Variants in ADGRF5 observed in about 807,000 individuals in gnomAD.
ADGRF5 encodes adhesion G protein-coupled receptor F5.
A neutral mutation model predicts 132.3 loss-of-function variants in ADGRF5; 75 were observed. The ratio of observed to expected loss-of-function variants is 0.57; its 90% confidence interval spans 0.47 to 0.69. The LOEUF is 0.69. Among genes scored for constraint, ADGRF5 ranks in the 30% least tolerant of loss-of-function variants. The pLI, the probability that ADGRF5 is intolerant of heterozygous loss-of-function variation, is 0.00. For synonymous variants in ADGRF5, 629 were observed against 597.6 expected, an observed-to-expected ratio of 1.05 and a Z score of -0.77; for missense variants, 1,516 against 1,630.6, an observed-to-expected ratio of 0.93 and a Z score of 1.21.
chr6:46,952,608 G>T (rs147160771), intron 1 of ADGRF5, among the ~76,000 whole-genome samples: 341 of 152,332 alleles, frequency 2.2e-3, no homozygotes, highest in Non-Finnish European at 3.6e-3. Context: ...GTGGGAAAAT[G>T]CTATAGGGAT....
At chr6:46,924,912 TC>T (rs1777172103), upstream of ADGRF5, among the ~76,000 whole-genome samples, 1 of 152,244 alleles carries the variant, frequency 6.6e-6, no homozygotes, top group African/African-American at 2.4e-5. Flanking sequence ...TCTGCTGCTA[TC>T]ATTCTCATCC....
intron 9 of ADGRF5, among the ~76,000 whole-genome samples, chr6:46,878,813 G>A (rs1466750092): frequency 2.0e-5 from 3 of 152,194 alleles, no homozygotes; most frequent in African/African-American, 7.2e-5. Context: ...ACCTCATCAT[G>A]CAGAGAAAAG....
chr6:46,883,742 G>C (rs1444403551), intron 5 of ADGRF5, 77 bp from the exon 6 acceptor site: 1 of 792,266 alleles, frequency 1.3e-6, no homozygotes. Flanking sequence ...TTTGTAAGCT[G>C]TTTTTGTTTG....
At chr6:46,944,476 C>A (rs1055748529) in intron 1 of ADGRF5, among the ~76,000 whole-genome samples, 6 of 152,072 alleles carry the variant, frequency 3.9e-5, no homozygotes, top group African/African-American at 1.4e-4. Context: ...TGCAGCATTG[C>A]TCCCTGTCCT....
chr6:46,894,608 T>C (rs1274835446), intron 3 of ADGRF5, among the ~76,000 whole-genome samples: 1 of 152,200 alleles, frequency 6.6e-6, no homozygotes, highest in Non-Finnish European at 1.5e-5. Context: ...TTGAAAACTA[T>C]AACTCATAGC....
intron 15 of ADGRF5, among the ~76,000 whole-genome samples, chr6:46,862,119 T>C (rs541424451): frequency 6.6e-6 from 1 of 152,360 alleles, no homozygotes; most frequent in South Asian, 2.1e-4. Context: ...AGAGAAGAGA[T>C]AGAAGTTAAT....
chr6:46,899,292 A>T (rs1034249669), intron 3 of ADGRF5, among the ~76,000 whole-genome samples: 3 of 152,098 alleles, frequency 2.0e-5, no homozygotes, highest in African/African-American at 7.2e-5. Context: ...TCACAAGCAG[A>T]GGATTGGCTT....
chr6:46,855,833 T>C (rs1562131380), intron 20 of ADGRF5, 141 bp downstream of exon 20: 2 of 632,742 alleles, frequency 3.2e-6, no homozygotes, highest in South Asian at 1.7e-5. Context: ...AAAATGTAAG[T>C]TCCTCTATTT....
rs564731009 is a variant in ADGRF5 at position 46,921,719 on chromosome 6, A to T, written c.-31T>A. 1 of 152,416 alleles carries T rather than the reference A, an allele frequency of 6.6e-6. No individual in the cohort carries two copies. The highest frequency in any genetic ancestry group is 2.4e-5 in the African/African-American group (1 of 41,578). 9.4% of individuals were successfully genotyped at this position (152,416 alleles called of 1,614,324 possible). ...TAGGAGAAATGTCTGTTACCTGTCC[A>T]GCACTGTGGTCCCCCGGCTGGCTCC... On this transcript the variant is annotated 5_prime_UTR_variant, in exon 1 of 21. Coordinates refer to ENST00000283296, the MANE Select transcript of ADGRF5 (RefSeq NM_001098518.2).
chr6:46,859,527 A>C lies in ADGRF5; in HGVS notation c.2380-4T>G. ...CATTAACCGTAGAGAGCACGTGCTG[A>C]AAGTGAAATGGTATGGGGTCAAACT... On this transcript the variant is annotated splice_region_variant and splice_polypyrimidine_tract_variant and intron_variant, in intron 16 of 20. Transcript: ENST00000283296. 6.3e-7 allele frequency: 1 copy of C among 1,583,360 alleles called. No individual in the cohort carries two copies. The highest frequency in any genetic ancestry group is 8.6e-7 in the Non-Finnish European group (1 of 1,160,490).
At chr6:46,896,538 C>A (rs1453067308) in intron 3 of ADGRF5, among the ~76,000 whole-genome samples, 3 of 151,956 alleles carry the variant, frequency 2.0e-5, no homozygotes, top group Non-Finnish European at 4.4e-5. Context: ...GTTTAAATTT[C>A]TTTAAAAAAC....
intron 3 of ADGRF5, among the ~76,000 whole-genome samples, chr6:46,892,381 G>A (rs943522469): frequency 5.9e-5 from 9 of 151,994 alleles, no homozygotes; most frequent in African/African-American, 2.2e-4. Context: ...AAGTTCAAAG[G>A]CAAAATGATT....
At chr6:46,914,712 ATCTAG>A (rs1427569085) in intron 1 of ADGRF5, among the ~76,000 whole-genome samples, 1 of 151,596 alleles carries the variant, frequency 6.6e-6, no homozygotes, top group Non-Finnish European at 1.5e-5. Flanking sequence ...AACTGCTCTT[ATCTAG>A]TCCGTCTTGC....
chr6:46,865,429 C>T (rs1401172357), intron 13 of ADGRF5, among the ~76,000 whole-genome samples: 1 of 152,246 alleles, frequency 6.6e-6, no homozygotes, highest in Non-Finnish European at 1.5e-5. Context: ...ACATTTTTGA[C>T]ATTCAGAATG....
At chr6:46,885,670 A>C (rs748981533) in intron 4 of ADGRF5, among the ~76,000 whole-genome samples, 1 of 152,158 alleles carries the variant, frequency 6.6e-6, no homozygotes, top group African/African-American at 2.4e-5. Context: ...GCTTTAGTGC[A>C]TTTTCATCTC....
chr6:46,879,737 T>A, intron 9 of ADGRF5, 81 bp downstream of exon 9: 1 of 937,384 alleles, frequency 1.1e-6, no homozygotes, highest in South Asian at 1.4e-5. Flanking sequence ...TCTACATAGC[T>A]ACGTAAAACA....
intron 1 of ADGRF5, among the ~76,000 whole-genome samples, chr6:46,912,425 C>T (rs1776029931): frequency 6.6e-6 from 1 of 152,056 alleles, no homozygotes; most frequent in African/African-American, 2.4e-5. Context: ...AAGAGCATGA[C>T]ACATTTGAGG....
chr6:46,913,812 G>A (rs186349389), intron 1 of ADGRF5, among the ~76,000 whole-genome samples: 8 of 152,238 alleles, frequency 5.3e-5, no homozygotes, highest in South Asian at 2.1e-4. Context: ...GATGTTATAC[G>A]CATAGCTTTC....
At chr6:46,869,836 T>C (rs1770852113) in intron 11 of ADGRF5, among the ~76,000 whole-genome samples, 2 of 152,192 alleles carry the variant, frequency 1.3e-5, no homozygotes. Context: ...ATTATAACTA[T>C]ATAACTACAG....
Sources: gnomAD v4.1 joint callset for allele counts (sites outside exome capture counted in the v4.1 genomes callset) on GRCh38, gnomAD v4.1.1 for gene constraint, MANE v1.5 for transcripts, NCBI Gene and HGNC (gene_info 2026-07-23, HGNC 2026-07-21) for gene names.